The following HTR7 variants were observed in gnomAD, a reference collection of about 807,000 sequenced individuals.
HTR7 encodes 5-hydroxytryptamine receptor 7.
HTR7 carries 16 observed loss-of-function variants against 34.0 expected under a neutral mutation model. That is an observed-to-expected ratio of 0.47 (90% CI 0.32 to 0.71). The LOEUF (loss-of-function observed/expected upper bound fraction) is 0.71. Ranked by LOEUF, HTR7 falls within the 30% of genes least tolerant of loss-of-function variation. The pLI is 0.04. For missense variants in HTR7, 504 were observed against 625.5 expected (o/e 0.81, Z 2.07); for synonymous variants, 265 against 260.2 (o/e 1.02, Z -0.18).
Position 90,755,695 on chromosome 10 carries a change from A to AATG in HTR7, c.540-6104_540-6102dup, listed in dbSNP as rs1215090232. 5.9e-5 allele frequency among the ~76,000 whole-genome samples: 9 copies of AATG among 152,372 alleles called. No homozygotes were observed. The South Asian group carries it at 1.9e-3, about 32-fold the overall frequency. On this transcript the variant is annotated intron_variant, in intron 1 of 3. Transcript: ENST00000336152. ...AACAGCCATCAGAGTGGTTAAAATT[A>AATG]ATGATGATGATGATAAAAACTATAA... is the stretch of plus-strand genomic sequence containing the variant.
At chr10:90,768,588 T>C (rs1375851196) in intron 1 of HTR7, among the ~76,000 whole-genome samples, 1 of 152,238 alleles carries the variant, frequency 6.6e-6, no homozygotes, top group Non-Finnish European at 1.5e-5. Context: ...CTCTTCTGCA[T>C]GTTGCTTTTT....
intron 1 of HTR7, among the ~76,000 whole-genome samples, chr10:90,771,809 CA>C (rs1238488271): frequency 6.6e-6 from 1 of 152,088 alleles, no homozygotes; most frequent in Non-Finnish European, 1.5e-5. Flanking sequence ...GTGGGCAGAA[CA>C]AGAACAGCAG....
chr10:90,767,400 T>C (rs1380998745), intron 1 of HTR7, among the ~76,000 whole-genome samples: 1 of 152,236 alleles, frequency 6.6e-6, no homozygotes, highest in Non-Finnish European at 1.5e-5. Context: ...TCTGAAATTT[T>C]TGCAAATTAT....
chr10:90,841,993 T>C (rs1326922039), intron 1 of HTR7, among the ~76,000 whole-genome samples: 1 of 151,762 alleles, frequency 6.6e-6, no homozygotes, highest in Non-Finnish European at 1.5e-5. Context: ...AGCAAGACTC[T>C]GTCTCAAAGA....
chr10:90,789,889 T>C (rs1845438698), intron 1 of HTR7, among the ~76,000 whole-genome samples: 1 of 152,144 alleles, frequency 6.6e-6, no homozygotes, highest in Non-Finnish European at 1.5e-5. Context: ...ATGGAAATAA[T>C]AATAGTACCA....
intron 1 of HTR7, among the ~76,000 whole-genome samples, chr10:90,769,086 T>A (rs912198777): frequency 2.0e-5 from 3 of 152,236 alleles, no homozygotes; most frequent in Non-Finnish European, 2.9e-5. Context: ...CCCAGAGCCA[T>A]CTTTGCAGAA....
In HTR7 at chr10:90,827,246, A is replaced by G. The variant is rs575230524; in HGVS notation, c.539+29887T>C. Among the ~76,000 whole-genome samples the G allele has an allele frequency of 1.8e-4, 27 of 152,230 alleles. No individual in the cohort carries two copies. In the South Asian group the frequency reaches 5.6e-3, roughly 32 times the overall value. ...GAATGTAAATGGACTAAACTCTCCAATGAAAAGACACAGAGTAGGCTGGGT... is the reference window on the plus strand; with the variant it reads ...GAATGTAAATGGACTAAACTCTCCAGTGAAAAGACACAGAGTAGGCTGGGT... On this transcript the variant is annotated intron_variant, in intron 1 of 3. Transcript: ENST00000336152.
intron 1 of HTR7, among the ~76,000 whole-genome samples, chr10:90,802,163 G>A (rs1372876146): frequency 2.6e-5 from 4 of 152,180 alleles, no homozygotes; most frequent in African/African-American, 9.6e-5. Context: ...AGGGAAACTG[G>A]ATGAGTTTTC....
At chr10:90,821,106 A>G (rs923289243) in intron 1 of HTR7, among the ~76,000 whole-genome samples, 1 of 143,812 alleles carries the variant, frequency 7.0e-6, no homozygotes, top group African/African-American at 2.7e-5. Context: ...ACAGCTATCT[A>G]CACACTCACA....
intron 1 of HTR7, among the ~76,000 whole-genome samples, chr10:90,790,676 T>G (rs1334609323): frequency 6.6e-6 from 1 of 152,160 alleles, no homozygotes; most frequent in Non-Finnish European, 1.5e-5. Context: ...AGCTACTGTT[T>G]CAGTTAAATT....
chr10:90,795,023 T>C (rs1589453121), intron 1 of HTR7, among the ~76,000 whole-genome samples: 2 of 152,346 alleles, frequency 1.3e-5, no homozygotes, highest in Admixed American at 1.3e-4. Flanking sequence ...CAGCAGCGCA[T>C]GACAGTATAT....
At chr10:90,784,611 A>G (rs941234442) in intron 1 of HTR7, among the ~76,000 whole-genome samples, 9 of 152,256 alleles carry the variant, frequency 5.9e-5, no homozygotes, top group African/African-American at 1.9e-4. Context: ...TATATATAAT[A>G]AATGAATTAC....
intron 1 of HTR7, among the ~76,000 whole-genome samples, chr10:90,855,256 T>G (rs544863924): frequency 1.3e-5 from 2 of 152,364 alleles, no homozygotes; most frequent in South Asian, 4.1e-4. Context: ...GAAGGATTAA[T>G]GTCTTCTCAG....
chr10:90,749,108 T>C lies in HTR7; in HGVS notation c.1026A>G (p.Pro342=), dbSNP rs1209940680. ...IVGAFTVCWL[P]FFLLSTARPF... ...GTCTGGCTGTCGAGAGGAGGAAAAATGGCAGCCAGCACACGGTAAAGGCCC... is the reference window on the plus strand; with the variant it reads ...GTCTGGCTGTCGAGAGGAGGAAAAACGGCAGCCAGCACACGGTAAAGGCCC... Residue 342 remains proline (P), a synonymous_variant, in exon 2 of 4, where the codon CCA becomes CCG. Transcript: ENST00000336152. This position sits in a 1 kb window ranked among gnomAD's most constrained non-coding sequence, Gnocchi z 4.2. The C allele has an allele frequency of 1.2e-5, 19 of 1,613,864 alleles. No individual in the cohort carries two copies. Among genetic ancestry groups the C allele is most frequent in the Non-Finnish European group, 1.5e-5 (18 of 1,180,004 alleles).
chr10:90,857,793 A>T lies in HTR7; in HGVS notation c.-122T>A. On this transcript the variant is annotated 5_prime_UTR_variant, in exon 1 of 4. Transcript: ENST00000336152. This position sits in a 1 kb window ranked among gnomAD's most constrained non-coding sequence, Gnocchi z 6.5. Reference sequence around the variant, plus strand: ...CGGCCCAGCCATGGGGCCCGCGCCGACCGCTGGGGGGCGCCTGGCTCTGTC... The same window carrying T: ...CGGCCCAGCCATGGGGCCCGCGCCGTCCGCTGGGGGGCGCCTGGCTCTGTC... 1 of 957,740 alleles carries T rather than the reference A, an allele frequency of 1.0e-6. No individual in the cohort carries two copies. Among genetic ancestry groups the T allele is most frequent in the Non-Finnish European group, 1.4e-6 (1 of 727,870 alleles). 59.3% of individuals were successfully genotyped at this position (957,740 alleles called of 1,614,324 possible). A position where few individuals can be genotyped will look rare whatever the true frequency, so the allele number is the denominator to read the frequency against.
chr10:90,802,996 C>CTTTTTTTTTTTTTTTTTTTTTTT (rs35715510), intron 1 of HTR7, among the ~76,000 whole-genome samples: 1 of 89,012 alleles, frequency 1.1e-5, no homozygotes, highest in African/African-American at 4.4e-5. Context: ...CATTTGTGGC[C>CTTTTTTTTTTTTTTTTTTTTTTT]TTTTTTTTTT....
chr10:90,825,619 A>T (rs1312598557), intron 1 of HTR7, among the ~76,000 whole-genome samples: 2 of 152,240 alleles, frequency 1.3e-5, no homozygotes, highest in African/African-American at 4.8e-5. Flanking sequence ...AACACAGAGA[A>T]GGAATTTGGG....
intron 1 of HTR7, among the ~76,000 whole-genome samples, chr10:90,822,168 AGAAAGATGGTAG>A (rs1319639725): frequency 6.6e-6 from 1 of 152,238 alleles, no homozygotes; most frequent in Non-Finnish European, 1.5e-5. Flanking sequence ...AGAAGAAGAC[AGAAAGATGGTAG>A]GAAAGTTTGG....
chr10:90,807,792 T>C (rs1197454564), intron 1 of HTR7, among the ~76,000 whole-genome samples: 1 of 152,074 alleles, frequency 6.6e-6, no homozygotes, highest in Non-Finnish European at 1.5e-5. Flanking sequence ...CAATCCCCTG[T>C]CCTCCTGTTC....
Sources: allele counts gnomAD v4.1 joint callset (sites outside exome capture counted in the v4.1 genomes callset), GRCh38; gene constraint gnomAD v4.1.1; non-coding constraint Gnocchi (gnomAD v3.1); transcripts MANE v1.5; gene names NCBI Gene and HGNC (gene_info 2026-07-23, HGNC 2026-07-21).